Variants in DNAJB13 observed in about 807,000 individuals in gnomAD.
DNAJB13 encodes dnaJ homolog subfamily B member 13.
A neutral mutation model predicts 35.6 loss-of-function variants in DNAJB13; 22 were observed. The ratio of observed to expected loss-of-function variants is 0.62; its 90% CI spans 0.44 to 0.88. The LOEUF (loss-of-function observed/expected upper bound fraction) is 0.88, where lower values mean the gene tolerates loss of function less well. DNAJB13 is among the 40% of genes least tolerant of loss of function. The pLI is 0.00. For missense variants in DNAJB13, 370 were observed against 384.3 expected (o/e 0.96, Z 0.31); for synonymous variants, 136 against 144.2 (o/e 0.94, Z 0.41).
At chr11:73,953,011 C>T (rs1356279221) in intron 1 of DNAJB13, among the ~76,000 whole-genome samples, 2 of 152,112 alleles carry the variant, frequency 1.3e-5, no homozygotes, top group African/African-American at 4.8e-5. Context: ...ATCCCTTGGG[C>T]CCAGGAGTTT....
chr11:73,967,452 C>T (rs1463687870), intron 5 of DNAJB13, among the ~76,000 whole-genome samples: 1 of 152,154 alleles, frequency 6.6e-6, no homozygotes, highest in Non-Finnish European at 1.5e-5. Flanking sequence ...ACCTATGAAA[C>T]ATCTACCTCC....
intron 6 of DNAJB13, among the ~76,000 whole-genome samples, chr11:73,968,831 A>G (rs547309206): frequency 1.3e-5 from 2 of 151,884 alleles, no homozygotes; most frequent in African/African-American, 2.4e-5. Context: ...GCCGCATAGC[A>G]CCCTGCCTGT....
chr11:73,964,558 G>A, intron 3 of DNAJB13: 1 of 292,922 alleles, frequency 3.4e-6, no homozygotes, highest in Non-Finnish European at 6.0e-6. Context: ...TCCGAGTTGT[G>A]AATAAGAGAG....
chr11:73,959,519 G>T lies in DNAJB13; in HGVS notation c.198G>T (p.Lys66Asn). 6.2e-7 allele frequency: 1 copy of T among 1,614,038 alleles called. No individual in the cohort carries two copies. Among genetic ancestry groups the T allele is most frequent in the African/African-American group, 1.3e-5 (1 of 75,056 alleles). ...SDPMKRGIYD[K>N]FGEEGLKGGI... ...CCATGAAGAGAGGCATCTACGACAA[G>T]TTTGGAGAAGAGGGCCTGAAGGGTG... The change falls in exon 3 of 8, where the codon AAG (lysine) becomes AAT (asparagine). Residue 66 changes from lysine (K) to asparagine (N), a missense_variant. By Grantham distance (94) the Lys-to-Asn change is moderately conservative. Transcript: ENST00000339764.
chr11:73,958,251 T>C, intron 1 of DNAJB13, 66 bp from the exon 2 acceptor site: 1 of 1,536,020 alleles, frequency 6.5e-7, no homozygotes, highest in Non-Finnish European at 9.0e-7. Context: ...GTGCCGGCTC[T>C]GAACTCTGGT....
At chr11:73,958,673 C>T (rs1219583522) in intron 2 of DNAJB13, among the ~76,000 whole-genome samples, 1 of 152,202 alleles carries the variant, frequency 6.6e-6, no homozygotes, top group Non-Finnish European at 1.5e-5. Context: ...AGCTGGGGCA[C>T]ATTCCCCACG....
In DNAJB13 at chr11:73,958,332, C is replaced by G; in HGVS notation, c.84C>G (p.Ala28=). The G allele has an allele frequency of 6.2e-7, 1 of 1,614,158 alleles. No homozygotes were observed. Among genetic ancestry groups the G allele is most frequent in the East Asian group, 2.2e-5 (1 of 44,884 alleles). Residue 28 remains alanine (A), a synonymous_variant, in exon 2 of 8, where the codon GCC becomes GCG. Transcript: ENST00000339764. ...AQIKQAYRRL[A]LKHHPLKSNE... ...CCTCTTCCAGGTACCGCAGACTCGC[C>G]CTTAAGCACCACCCGTTGAAGTCAA...
At chr11:73,964,757 T>A in intron 3 of DNAJB13, 121 bp from the exon 4 acceptor site, 1 of 1,079,714 alleles carries the variant, frequency 9.3e-7, no homozygotes, top group Non-Finnish European at 1.4e-6. Context: ...CATATCTGGA[T>A]AGGGAGGCTG....
rs755871351 is a variant in DNAJB13, at chr11:73,968,301, C to T, written c.607-44C>T. 6 of 1,576,702 alleles carry T rather than the reference C, an allele frequency of 3.8e-6. No individual in the cohort carries two copies. In the South Asian group the frequency reaches 5.5e-5, roughly 15 times the overall value. On this transcript the variant is annotated intron_variant, in intron 5 of 7. Coordinates refer to ENST00000339764, the MANE Select transcript of DNAJB13 (RefSeq NM_153614.4). ...AGAGGCAGGAACTTGGCCAAGGTCA[C>T]ACGGCCAACTAGTCCTTGTCACCTT...
At chr11:73,954,026 A>ATTAT (rs1950660562) in intron 1 of DNAJB13, among the ~76,000 whole-genome samples, 1 of 141,484 alleles carries the variant, frequency 7.1e-6, no homozygotes, top group African/African-American at 2.8e-5. Context: ...AATAATAATA[A>ATTAT]TAATAATAAT....
rs368904856 is a variant in DNAJB13 at position 73,959,624 on chromosome 11, C to T, written c.303C>T (p.His101=). The change falls in exon 3 of 8, where the codon CAC becomes CAT. Residue 101 remains histidine (H), a synonymous_variant. Transcript: ENST00000339764. ...VFHGKPEKVF[H]EFFGGNNPFS... Reference sequence around the variant, plus strand: ...ATGGCAAACCTGAAAAGGTGTTCCACGAGTTCTTTGGTGGAAACAACCCCT... The same window carrying T: ...ATGGCAAACCTGAAAAGGTGTTCCATGAGTTCTTTGGTGGAAACAACCCCT... 42 of 1,614,030 alleles carry T rather than the reference C, an allele frequency of 2.6e-5. No homozygotes were observed. The highest frequency in any genetic ancestry group is 1.6e-4 in the Middle Eastern group (1 of 6,084).
intron 7 of DNAJB13, 30 bp downstream of exon 7, chr11:73,969,352 C>G (rs1165367867): frequency 1.2e-6 from 1 of 869,204 alleles, no homozygotes; most frequent in Non-Finnish European, 2.0e-6. Context: ...GCCCCAGTAG[C>G]CAAGAGAAGG....
At chr11:73,969,082 G>T (rs1951207541) in intron 6 of DNAJB13, among the ~76,000 whole-genome samples, 164 bp from the exon 7 acceptor site, 1 of 152,108 alleles carries the variant, frequency 6.6e-6, no homozygotes, top group South Asian at 2.1e-4. Flanking sequence ...TTTCCTGCCA[G>T]TGCAGAAAAT....
At chr11:73,958,497 G>A in intron 2 of DNAJB13, 77 bp downstream of exon 2, 1 of 1,342,038 alleles carries the variant, frequency 7.5e-7, no homozygotes. Flanking sequence ...GTTTTCTGAG[G>A]GGGCCCAATA....
chr11:73,957,231 G>T (rs1565169506), intron 1 of DNAJB13, among the ~76,000 whole-genome samples: 1 of 152,220 alleles, frequency 6.6e-6, no homozygotes, highest in Non-Finnish European at 1.5e-5. Context: ...CAGGGCTGCG[G>T]CTTTATTCCC....
chr11:73,959,480 A>T lies in DNAJB13; in HGVS notation c.173-14A>T. 1 of 1,612,080 alleles carries T rather than the reference A, an allele frequency of 6.2e-7. No individual in the cohort carries two copies. The highest frequency in any genetic ancestry group is 8.5e-7 in the Non-Finnish European group (1 of 1,178,774). On this transcript the variant is annotated splice_polypyrimidine_tract_variant and intron_variant, in intron 2 of 7. Transcript: ENST00000339764. ...CAAAGTTGGACACCTCCTTAAGGTG[A>T]TGCCCATCCACAGCCATGAAGAGAG...
intron 2 of DNAJB13, among the ~76,000 whole-genome samples, chr11:73,958,705 CG>C (rs1950832783): frequency 6.6e-6 from 1 of 152,162 alleles, no homozygotes; most frequent in Non-Finnish European, 1.5e-5. Flanking sequence ...CCTGCGGGGA[CG>C]GGACCTTCCC....
intron 1 of DNAJB13, among the ~76,000 whole-genome samples, chr11:73,951,377 T>C (rs1026496510): frequency 6.6e-6 from 1 of 152,232 alleles, no homozygotes; most frequent in South Asian, 2.1e-4. Context: ...ATGCCCTATA[T>C]CCTCTCCTGG....
chr11:73,965,960 C>T (rs560132758), intron 4 of DNAJB13, 178 bp from the exon 5 acceptor site: 275 of 616,802 alleles, frequency 4.5e-4, no homozygotes, highest in Non-Finnish European at 7.0e-4. Context: ...TCAGGGCAGG[C>T]TCTCCCCATT....
Sources: allele counts gnomAD v4.1 joint callset (sites outside exome capture counted in the v4.1 genomes callset), GRCh38; gene constraint gnomAD v4.1.1; transcripts MANE v1.5; gene names NCBI Gene and HGNC (gene_info 2026-07-23, HGNC 2026-07-21).